TMEM94: variants seen among roughly 807,000 people sequenced by gnomAD.
TMEM94 encodes ER Mg2+ ATPase.
TMEM94 carries 81 observed loss-of-function variants against 158.6 expected under a neutral mutation model. That is an observed-to-expected ratio of 0.51 (90% confidence interval 0.43 to 0.61). TMEM94 has a LOEUF of 0.61. TMEM94 is among the 20% of genes least tolerant of loss of function. The pLI is 0.00. For synonymous variants in TMEM94, 751 were observed against 730.7 expected (o/e 1.03, Z -0.45); for missense variants, 1,435 against 1,762.0 (o/e 0.81, Z 3.32).
chr17:75,496,303 C>T lies in TMEM94; in HGVS notation c.3075C>T (p.Tyr1025=), dbSNP rs774508415. The T allele has an allele frequency of 5.6e-6, 9 of 1,614,204 alleles. No individual in the cohort carries two copies. Among genetic ancestry groups the T allele is most frequent in the East Asian group, 2.2e-5 (1 of 44,886 alleles). Reference sequence around the variant, plus strand: ...GCAGCATTGCCCTGGATCCCCTGTACCCATCCCGTTGCTCCTGGGAGACCT... The same window carrying T: ...GCAGCATTGCCCTGGATCCCCTGTATCCATCCCGTTGCTCCTGGGAGACCT... The part of the protein sequence containing the change: ...SDISIALDPL[Y]PSRCSWETFG... Residue 1025 remains tyrosine, a synonymous_variant, in exon 24 of 32, where the codon TAC becomes TAT. Coordinates refer to ENST00000314256, the MANE Select transcript of TMEM94 (RefSeq NM_014738.6).
rs2052703984 is a variant in TMEM94, at chr17:75,496,542, G to A, written c.3243+71G>A. 2.6e-6 allele frequency: 4 copies of A among 1,544,246 alleles called. No homozygotes were observed. The South Asian group carries it at 3.5e-5, about 14-fold the overall frequency. ...CGCCTGGGGTGGGAGTAGCAGCAAA[G>A]GACCTGTTTGAACCCGGGGACCTCA... On this transcript the variant is annotated intron_variant, in intron 24 of 31. Coordinates refer to ENST00000314256, the MANE Select transcript of TMEM94 (RefSeq NM_014738.6).
rs868830158 is a variant in TMEM94, at chr17:75,495,381, C to A, written c.2826C>A (p.Phe942Leu). 3.1e-6 allele frequency: 5 copies of A among 1,613,858 alleles called. 1 individual carries two copies. The Middle Eastern group carries it at 6.6e-4, about 213-fold the overall frequency. Residue 942 changes from phenylalanine to leucine, a missense_variant, in exon 21 of 32, where the codon TTC becomes TTA. By Grantham distance (22) the Phe-to-Leu change is conservative. Around this residue, in one of 3 missense-constraint regions of TMEM94, gnomAD observed 1,051 missense variants for 1,254.4 expected, o/e 0.84. Transcript: ENST00000314256. This position sits in a 1 kb window ranked among gnomAD's most constrained non-coding sequence, Gnocchi z 5.6. ...CTACGGACAGCGACATCCCCAGCTT[C>A]CTGGAGGACTCCAACCGGGTACGAT... ...FQPTDSDIPS[F>L]LEDSNRAKLP...
chr17:75,477,878 G>A (rs1224466905), intron 2 of TMEM94, among the ~76,000 whole-genome samples: 3 of 151,208 alleles, frequency 2.0e-5, no homozygotes, highest in South Asian at 2.1e-4. Context: ...GCATGGTGGC[G>A]CATGCCTGTA....
chr17:75,492,534 C>G lies in TMEM94; in HGVS notation c.1657C>G (p.Leu553Val), dbSNP rs771504985. 101 of 1,613,340 alleles carry G rather than the reference C, an allele frequency of 6.3e-5. No homozygotes were observed. Among genetic ancestry groups the G allele is most frequent in the Non-Finnish European group, 8.5e-5 (100 of 1,179,640 alleles). The stretch of plus-strand genomic sequence containing the variant: ...AGAGGACTTTGTGTGTGACTACCAC[C>G]TGGAGATGCTGAGCCTGTCCCAGGA... ...EAEDFVCDYH[L>V]EMLSLSQDQQ... Residue 553 changes from leucine to valine, a missense_variant, in exon 15 of 32, where the codon CTG (leucine) becomes GTG (valine). Physicochemically the swap from Leu to Val is conservative, Grantham distance 32. Around this residue, in one of 3 missense-constraint regions of TMEM94, gnomAD observed 1,051 missense variants for 1,254.4 expected, o/e 0.84. Coordinates refer to ENST00000314256, the MANE Select transcript of TMEM94 (RefSeq NM_014738.6). This position sits in a 1 kb window ranked among gnomAD's most constrained non-coding sequence, Gnocchi z 4.4.
intron 2 of TMEM94, among the ~76,000 whole-genome samples, chr17:75,483,332 G>A (rs1347842804): frequency 6.6e-6 from 1 of 152,140 alleles, no homozygotes; most frequent in Non-Finnish European, 1.5e-5. Context: ...GAGACAGTGT[G>A]GGGTGGAGTT....
In TMEM94 at chr17:75,495,410, AG is replaced by A. The variant is rs2052584637; in HGVS notation, c.2844+13del. On this transcript the variant is annotated intron_variant, in intron 21 of 31. Coordinates refer to ENST00000314256, the MANE Select transcript of TMEM94 (RefSeq NM_014738.6). This position sits in a 1 kb window ranked among gnomAD's most constrained non-coding sequence, Gnocchi z 5.6. ...GAGGACTCCAACCGGGTACGATGGC[AG>A]GATCTGTCTCACGTGTTCCTGTAGT... 6.2e-7 allele frequency: 1 copy of A among 1,610,014 alleles called. No homozygotes were observed. The highest frequency in any genetic ancestry group is 1.3e-5 in the African/African-American group (1 of 74,946).
chr17:75,493,401 C>T (rs1020198916), intron 16 of TMEM94, 90 bp from the exon 17 acceptor site: 29 of 1,313,638 alleles, frequency 2.2e-5, no homozygotes, highest in Non-Finnish European at 2.6e-5. Context: ...GGCTCCTCAG[C>T]GCCCTTCTCC....
intron 2 of TMEM94, chr17:75,476,448 T>A: frequency 7.8e-7 from 1 of 1,287,998 alleles, no homozygotes; most frequent in Non-Finnish European, 1.0e-6. Context: ...CTTCCAGGGC[T>A]GCTGCCTCCT....
chr17:75,486,753 C>T (rs940265460), intron 5 of TMEM94, among the ~76,000 whole-genome samples: 1 of 152,162 alleles, frequency 6.6e-6, no homozygotes, highest in Non-Finnish European at 1.5e-5. Context: ...TCGTTCAAGT[C>T]CATCTTGTCT....
Position 75,488,765 on chromosome 17 carries a change from G to A in TMEM94, c.619G>A (p.Glu207Lys), listed in dbSNP as rs149261006. Residue 207 changes from glutamate (E) to lysine (K), a missense_variant, in exon 7 of 32, where the codon GAG (glutamate) becomes AAG (lysine). This residue lies in a region of TMEM94 where 1,051 missense variants were observed against 1,254.4 expected (regional missense o/e 0.84). Transcript: ENST00000314256. Reference protein sequence around the residue: ...FASLRGIKDDEHIVLEPGDLF... With the variant: ...FASLRGIKDDKHIVLEPGDLF... ...TCCCACTTGCTGCCGGCAGGATGAC[G>A]AGCACATCGTCCTGGAGCCGGGAGA... is the stretch of plus-strand genomic sequence containing the variant. 119 of 1,613,684 alleles carry A rather than the reference G, an allele frequency of 7.4e-5. No homozygotes were observed. The highest frequency in any genetic ancestry group is 9.7e-5 in the Non-Finnish European group (114 of 1,179,932).
chr17:75,499,429 G>T lies in TMEM94; in HGVS notation c.*95G>T. ...GAGTTTGTATCATGAATGTTTCCAGGTTTGCTCCTGCACCCGTGGCACTGG... is the reference window on the plus strand; with the variant it reads ...GAGTTTGTATCATGAATGTTTCCAGTTTTGCTCCTGCACCCGTGGCACTGG... On this transcript the variant is annotated 3_prime_UTR_variant, in exon 32 of 32. Coordinates refer to ENST00000314256, the MANE Select transcript of TMEM94 (RefSeq NM_014738.6). 8.1e-7 allele frequency: 1 copy of T among 1,238,298 alleles called. No homozygotes were observed. The highest frequency in any genetic ancestry group is 1.2e-6 in the Non-Finnish European group (1 of 856,386). 76.7% of individuals were successfully genotyped at this position (1,238,298 alleles called of 1,614,324 possible). A position where few individuals can be genotyped will look rare whatever the true frequency, so the allele number is the denominator to read the frequency against.
intron 2 of TMEM94, among the ~76,000 whole-genome samples, chr17:75,478,046 C>T (rs1180365357): frequency 1.1e-5 from 1 of 89,774 alleles, no homozygotes; most frequent in African/African-American, 4.7e-5. Context: ...GACGGAGTCT[C>T]GCTCTGTCGC....
chr17:75,489,806 C>T lies in TMEM94; in HGVS notation c.954+144C>T. On this transcript the variant is annotated intron_variant, in intron 9 of 31. Transcript: ENST00000314256. This position sits in a 1 kb window ranked among gnomAD's most constrained non-coding sequence, Gnocchi z 5.0. ...TTAAGAACACCTCTTTCCAGCTGGG[C>T]GTGGGGACTCAGGCCTGTAATCCAA... 3 of 730,142 alleles carry T rather than the reference C, an allele frequency of 4.1e-6. No individual in the cohort carries two copies. The highest frequency in any genetic ancestry group is 1.7e-5 in the South Asian group (1 of 59,802). The allele number at this position is 730,142 out of a possible 1,614,324, so 45.2% of individuals were successfully genotyped here.
intron 2 of TMEM94, among the ~76,000 whole-genome samples, chr17:75,473,922 C>G (rs996138185): frequency 6.6e-6 from 1 of 152,036 alleles, no homozygotes; most frequent in African/African-American, 2.4e-5. Flanking sequence ...CGAGACCAGC[C>G]TGGCCGACAT....
chr17:75,496,412 C>T lies in TMEM94; in HGVS notation c.3184C>T (p.Pro1062Ser), dbSNP rs1360325088. The change falls in exon 24 of 32, where the codon CCC becomes TCC. Residue 1062 changes from proline (P) to serine (S), a missense_variant. This residue lies in a region of TMEM94 where 335 missense variants were observed against 409.1 expected (regional missense o/e 0.82). Coordinates refer to ENST00000314256, the MANE Select transcript of TMEM94 (RefSeq NM_014738.6). ...LQLSGQLNSL[P>S]CSLTFRQEET... ...GCTGTCAGGGCAGCTCAACAGCCTG[C>T]CCTGTTCCCTGACCTTTCGCCAGGA... 6.8e-6 allele frequency: 11 copies of T among 1,613,866 alleles called. No homozygotes were observed. The highest frequency in any genetic ancestry group is 9.3e-6 in the Non-Finnish European group (11 of 1,180,024).
intron 2 of TMEM94, among the ~76,000 whole-genome samples, chr17:75,473,685 G>A (rs549034896): frequency 6.6e-6 from 1 of 152,294 alleles, no homozygotes; most frequent in South Asian, 2.1e-4. Flanking sequence ...GGATAGGTGA[G>A]CCCTGACCTG....
intron 2 of TMEM94, chr17:75,476,604 T>G: frequency 1.3e-6 from 2 of 1,509,100 alleles, no homozygotes. Flanking sequence ...TCTCCTCTTC[T>G]CTCTCTCTCT....
At chr17:75,457,935 G>T (rs953195625) in intron 1 of TMEM94, among the ~76,000 whole-genome samples, 1 of 152,072 alleles carries the variant, frequency 6.6e-6, no homozygotes. Flanking sequence ...CATTAAAAGC[G>T]ATGGGCATTA....
Position 75,485,979 on chromosome 17 carries a change from G to A in TMEM94, c.253G>A (p.Gly85Arg), listed in dbSNP as rs141282100. 4.6e-4 allele frequency: 738 copies of A among 1,611,744 alleles called. 7 individuals carry two copies. The highest frequency in any genetic ancestry group is 1.7e-4 in the Admixed American group (10 of 59,854). ...LAVLLLLGCCGGQPAGSRGVG... is the reference protein window; with the variant it reads ...LAVLLLLGCCRGQPAGSRGVG... ...CGTGCTGCTGCTGCTGGGCTGCTGCGGGGGACAGCCAGCCGGGAGGTGTGC... is the reference window on the plus strand; with the variant it reads ...CGTGCTGCTGCTGCTGGGCTGCTGCAGGGGACAGCCAGCCGGGAGGTGTGC... Residue 85 changes from glycine to arginine, a missense_variant, in exon 4 of 32, where the codon GGG becomes AGG. This residue lies in a region of TMEM94 where 1,051 missense variants were observed against 1,254.4 expected (regional missense o/e 0.84). Transcript: ENST00000314256. This position sits in a 1 kb window ranked among gnomAD's most constrained non-coding sequence, Gnocchi z 5.5.
Sources: allele counts gnomAD v4.1 joint callset (sites outside exome capture counted in the v4.1 genomes callset), GRCh38; gene constraint gnomAD v4.1.1; regional missense constraint gnomAD v4.1.1; non-coding constraint Gnocchi (gnomAD v3.1); transcripts MANE v1.5; gene names NCBI Gene and HGNC (gene_info 2026-07-23, HGNC 2026-07-21).